The following CTNNA3 variants were observed in gnomAD, a reference collection of about 807,000 sequenced individuals.
The protein encoded by CTNNA3 is catenin alpha-3.
A neutral mutation model predicts 95.7 loss-of-function variants in CTNNA3; 76 were observed. That is an observed-to-expected ratio of 0.79 (90% CI 0.66 to 0.96). CTNNA3 has a LOEUF of 0.96. Among genes scored for constraint, CTNNA3 ranks in the 40% least tolerant of loss-of-function variants. The pLI is 0.00. For missense variants in CTNNA3, 1,191 were observed against 1,089.8 expected (o/e 1.09, Z -1.31); for synonymous variants, 431 against 374.4 (o/e 1.15, Z -1.74).
intron 12 of CTNNA3, among the ~76,000 whole-genome samples, chr10:66,306,051 T>C (rs1422429023): frequency 6.6e-6 from 1 of 152,152 alleles, no homozygotes; most frequent in African/African-American, 2.4e-5. Flanking sequence ...GATTATCACA[T>C]AATCCCACAT....
At chr10:67,214,035 T>C (rs1378712374) in intron 6 of CTNNA3, among the ~76,000 whole-genome samples, 3 of 151,852 alleles carry the variant, frequency 2.0e-5, no homozygotes, top group African/African-American at 7.2e-5. Flanking sequence ...AGATGTGTTT[T>C]TATAAACAGC....
chr10:66,543,907 GTGTGTATATATATATATATA>G (rs1291382071), intron 10 of CTNNA3, among the ~76,000 whole-genome samples: 13 of 28,974 alleles, frequency 4.5e-4, no homozygotes, highest in African/African-American at 5.9e-4. Context: ...AGATGTGTGT[GTGTGTATATATATATATATA>G]TATATATATA....
At chr10:66,756,282 C>T (rs766688538) in intron 9 of CTNNA3, among the ~76,000 whole-genome samples, 1 of 152,112 alleles carries the variant, frequency 6.6e-6, no homozygotes, top group South Asian at 2.1e-4. Context: ...AAGTGAAACT[C>T]TCTAAGGATG....
chr10:66,951,088 T>TACACACACAC (rs3056558), intron 7 of CTNNA3, among the ~76,000 whole-genome samples: 1 of 146,066 alleles, frequency 6.8e-6, no homozygotes, highest in Non-Finnish European at 1.5e-5. Flanking sequence ...TAACATTAAA[T>TACACACACAC]ACACACACAC....
At chr10:66,993,079 C>T (rs574968786) in intron 7 of CTNNA3, among the ~76,000 whole-genome samples, 186 of 152,196 alleles carry the variant, frequency 1.2e-3, no homozygotes, top group African/African-American at 4.0e-3. Flanking sequence ...ATGGTATCAG[C>T]CCAGGCACTG....
At chr10:66,151,231 A>G (rs774450419) in intron 13 of CTNNA3, among the ~76,000 whole-genome samples, 2 of 152,004 alleles carry the variant, frequency 1.3e-5, no homozygotes, top group Non-Finnish European at 2.9e-5. Flanking sequence ...TACTATGGGG[A>G]CAACTTATGA....
intron 5 of CTNNA3, among the ~76,000 whole-genome samples, chr10:67,489,805 T>TATATATATACAC (rs927605119): frequency 6.7e-6 from 1 of 148,968 alleles, no homozygotes; most frequent in African/African-American, 2.5e-5. Context: ...TATATATATA[T>TATATATATACAC]ACACACATTA....
At chr10:66,565,944 A>C (rs545755711) in intron 10 of CTNNA3, among the ~76,000 whole-genome samples, 1 of 152,170 alleles carries the variant, frequency 6.6e-6, no homozygotes, top group African/African-American at 2.4e-5. Context: ...ACTGAAAAGA[A>C]AAAAAGGAAA....
At chr10:67,434,532 A>G (rs192086924) in intron 5 of CTNNA3, among the ~76,000 whole-genome samples, 1 of 152,054 alleles carries the variant, frequency 6.6e-6, no homozygotes, top group Non-Finnish European at 1.5e-5. Flanking sequence ...GCTGAATGGC[A>G]TTTACTGACT....
chr10:66,719,658 G>A (rs190744098), intron 9 of CTNNA3, among the ~76,000 whole-genome samples: 9 of 152,264 alleles, frequency 5.9e-5, no homozygotes. Flanking sequence ...ACCTGCAGCA[G>A]CATGCCTACA....
chr10:66,978,866 A>G (rs1260541081), intron 7 of CTNNA3, among the ~76,000 whole-genome samples: 1 of 150,974 alleles, frequency 6.6e-6, no homozygotes, highest in African/African-American at 2.4e-5. Flanking sequence ...TTTTATGTAA[A>G]TTTCACAAAG....
At chr10:65,979,409 T>C (rs779851571) in intron 16 of CTNNA3, among the ~76,000 whole-genome samples, 1 of 152,138 alleles carries the variant, frequency 6.6e-6, no homozygotes, top group Non-Finnish European at 1.5e-5. Flanking sequence ...CTCTCCCTCA[T>C]GCCTGAAATT....
intron 9 of CTNNA3, among the ~76,000 whole-genome samples, chr10:66,668,197 G>A (rs182569968): frequency 7.4e-4 from 112 of 152,046 alleles, no homozygotes; most frequent in African/African-American, 2.5e-3. Context: ...AAGAAATAGC[G>A]TTTTTGCTAA....
intron 11 of CTNNA3, among the ~76,000 whole-genome samples, chr10:66,476,055 C>T (rs1395824838): frequency 1.3e-5 from 2 of 152,196 alleles, no homozygotes; most frequent in East Asian, 3.9e-4. Context: ...AGCTAACATC[C>T]TTTGCTGGGA....
At chr10:66,696,668 C>T (rs1212487850) in intron 9 of CTNNA3, among the ~76,000 whole-genome samples, 2 of 152,068 alleles carry the variant, frequency 1.3e-5, no homozygotes, top group Non-Finnish European at 2.9e-5. Flanking sequence ...TGCAGTGGCT[C>T]ATGCCTGTAA....
At chr10:66,530,044 T>G (rs1467798280) in intron 10 of CTNNA3, among the ~76,000 whole-genome samples, 2 of 152,184 alleles carry the variant, frequency 1.3e-5, no homozygotes, top group African/African-American at 4.8e-5. Context: ...TCTTGAAAGA[T>G]TTCTAAAAAC....
intron 5 of CTNNA3, among the ~76,000 whole-genome samples, chr10:67,231,399 C>G (rs12248051): frequency 0.19 from 28,890 of 152,192 alleles, 3,230 homozygotes; most frequent in African/African-American, 0.32. Flanking sequence ...TGGGAGGCAA[C>G]CCCTAGCAGG....
chr10:67,761,604 C>T (rs1165932473), intron 1 of CTNNA3, among the ~76,000 whole-genome samples: 9 of 152,076 alleles, frequency 5.9e-5, no homozygotes, highest in Non-Finnish European at 4.4e-5. Context: ...ACGAGCCGGG[C>T]GCGGTGGTTC....
rs1290800892 is a variant in CTNNA3, at chr10:66,014,609, T to C, written c.2160-25812A>G. ...TAGTATAAGTACTGTCCAATAACAC[T>C]TTTGACAATAATGGACATGTTTTCC... is the stretch of plus-strand genomic sequence containing the variant. On this transcript the variant is annotated intron_variant, in intron 15 of 17. Coordinates refer to ENST00000433211, the MANE Select transcript of CTNNA3 (RefSeq NM_013266.4). Among the ~76,000 whole-genome samples the C allele has an allele frequency of 2.6e-5, 4 of 152,194 alleles. No homozygotes were observed. In the East Asian group the frequency reaches 7.7e-4, roughly 29 times the overall value.
Sources: gnomAD v4.1 joint callset for allele counts (sites outside exome capture counted in the v4.1 genomes callset) on GRCh38, gnomAD v4.1.1 for gene constraint, MANE v1.5 for transcripts, NCBI Gene and HGNC (gene_info 2026-07-23, HGNC 2026-07-21) for gene names.